Variants in HYCC2 observed in about 807,000 individuals in gnomAD.
HYCC2 encodes hyccin PI4KA lipid kinase complex subunit 2.
the HYCC2 span, chr2:200,987,344 G>A: frequency 3.1e-6 from 4 of 1,284,986 alleles, no homozygotes; most frequent in Non-Finnish European, 4.1e-6. Flanking sequence ...ACTGACTTCT[G>A]CCTCCTCATC....
the HYCC2 span, chr2:200,993,019 A>G: frequency 2.7e-6 from 4 of 1,463,092 alleles, no homozygotes; most frequent in East Asian, 4.5e-5. Context: ...AAAATACACT[A>G]TTTAACATGT....
chr2:201,033,651 G>T, the HYCC2 span, among the ~76,000 whole-genome samples: 1 of 151,782 alleles, frequency 6.6e-6, no homozygotes, highest in Non-Finnish European at 1.5e-5. Flanking sequence ...TGATCTGCCC[G>T]CCTCGGCCTC....
the HYCC2 span, among the ~76,000 whole-genome samples, chr2:201,032,802 G>T: frequency 2.0e-5 from 3 of 152,010 alleles, no homozygotes; most frequent in African/African-American, 7.3e-5. Context: ...GATTATACAC[G>T]TGTGCCACTA....
the HYCC2 span, among the ~76,000 whole-genome samples, chr2:201,029,509 G>A: frequency 6.6e-6 from 1 of 152,258 alleles, no homozygotes; most frequent in East Asian, 1.9e-4. Flanking sequence ...ATTCACAATA[G>A]CAAAGACTTG....
At chr2:200,987,865 TC>T in the HYCC2 span, among the ~76,000 whole-genome samples, 14 of 152,124 alleles carry the variant, frequency 9.2e-5, no homozygotes, top group African/African-American at 2.7e-4. Flanking sequence ...AAATCCAAAA[TC>T]AAGAATAAAT....
chr2:201,022,629 C>A, the HYCC2 span: 2 of 422,676 alleles, frequency 4.7e-6, no homozygotes, highest in African/African-American at 4.1e-5. Flanking sequence ...GCACACTCAA[C>A]AGGAAAAAAT....
At chr2:201,022,025 C>CT in the HYCC2 span, 12 of 1,263,892 alleles carry the variant, frequency 9.5e-6, no homozygotes, top group African/African-American at 1.5e-5. Context: ...TGAAGATGCA[C>CT]TTTAAGTTAA....
At chr2:200,992,352 C>G in the HYCC2 span, 6 of 1,609,120 alleles carry the variant, frequency 3.7e-6, no homozygotes, top group Non-Finnish European at 5.1e-6. Context: ...TGGCCAAGGT[C>G]CCACTGTCCA....
chr2:201,029,961 C>G, the HYCC2 span, among the ~76,000 whole-genome samples: 2 of 152,248 alleles, frequency 1.3e-5, no homozygotes, highest in Admixed American at 1.3e-4. Context: ...GTCATGCACA[C>G]CGGTAGTCCC....
the HYCC2 span, among the ~76,000 whole-genome samples, chr2:200,989,745 T>G: frequency 6.6e-6 from 1 of 152,104 alleles, no homozygotes; most frequent in African/African-American, 2.4e-5. Flanking sequence ...GCCCGGAAGG[T>G]GGATGTTACA....
chr2:200,980,863 G>A, the HYCC2 span: 2 of 186,042 alleles, frequency 1.1e-5, no homozygotes, highest in Non-Finnish European at 2.3e-5. Context: ...TATAGATTAT[G>A]AGAACAAACC....
the HYCC2 span, chr2:200,981,306 G>T: frequency 6.2e-7 from 1 of 1,613,928 alleles, no homozygotes. This position sits in a 1 kb window ranked among gnomAD's most constrained non-coding sequence, Gnocchi z 4.5. Flanking sequence ...TGAAACTTGG[G>T]GATCGAGACT....
chr2:200,992,168 T>G, the HYCC2 span: 1 of 700,698 alleles, frequency 1.4e-6, no homozygotes, highest in Non-Finnish European at 2.5e-6. Context: ...GTTAACCAAC[T>G]GTTATCATGG....
the HYCC2 span, among the ~76,000 whole-genome samples, chr2:201,003,338 T>C: frequency 1.3e-5 from 2 of 152,120 alleles, no homozygotes; most frequent in Non-Finnish European, 2.9e-5. Context: ...CATGAACCAA[T>C]GTGTCCAGCC....
chr2:201,040,108 G>A, the HYCC2 span, among the ~76,000 whole-genome samples: 1 of 151,874 alleles, frequency 6.6e-6, no homozygotes, highest in Admixed American at 6.6e-5. Context: ...AGGAGGCAGA[G>A]GTTGCAGTGA....
At chr2:201,067,363 T>C in the HYCC2 span, among the ~76,000 whole-genome samples, 3 of 152,196 alleles carry the variant, frequency 2.0e-5, no homozygotes, top group African/African-American at 7.2e-5. Flanking sequence ...AAAACAGATA[T>C]TCTGTAAACC....
chr2:201,006,111 C>T, the HYCC2 span, among the ~76,000 whole-genome samples: 5 of 149,314 alleles, frequency 3.3e-5, no homozygotes, highest in Middle Eastern at 3.6e-3. Context: ...AGATTACAGG[C>T]GTGAGCTATC....
the HYCC2 span, among the ~76,000 whole-genome samples, chr2:201,069,077 T>G: frequency 7.4e-3 from 1,132 of 152,302 alleles, 18 homozygotes; most frequent in African/African-American, 0.026. Context: ...TCTGCCCATA[T>G]TTTATCAGTT....
the HYCC2 span, among the ~76,000 whole-genome samples, chr2:201,056,783 C>T: frequency 6.6e-6 from 1 of 152,054 alleles, no homozygotes; most frequent in African/African-American, 2.4e-5. Context: ...TATAAAGCTA[C>T]CAGTAGGCCC....
Sources: gnomAD v4.1 joint callset for allele counts (sites outside exome capture counted in the v4.1 genomes callset) on GRCh38, gnomAD v4.1.1 for gene constraint, Gnocchi (gnomAD v3.1) non-coding constraint, MANE v1.5 for transcripts, NCBI Gene and HGNC (gene_info 2026-07-23, HGNC 2026-07-21) for gene names.